Variants in CNTNAP2 observed in about 807,000 individuals in gnomAD.
CNTNAP2 encodes the protein contactin-associated protein-like 2.
CNTNAP2 carries 98 observed loss-of-function variants against 155.2 expected under a neutral mutation model. The observed-to-expected ratio is 0.63, with a 90% CI of 0.54 to 0.75. The LOEUF is 0.75. Ranked by LOEUF, CNTNAP2 falls within the 30% of genes least tolerant of loss-of-function variation. The pLI, the probability that CNTNAP2 is intolerant of heterozygous loss-of-function variation, is 0.00. For synonymous variants in CNTNAP2, 651 were observed against 631.2 expected (o/e 1.03, Z -0.47); for missense variants, 1,727 against 1,688.1 (o/e 1.02, Z -0.40).
intron 19 of CNTNAP2, among the ~76,000 whole-genome samples, chr7:148,219,837 C>T (rs1030705389): frequency 6.6e-6 from 1 of 151,772 alleles, no homozygotes; most frequent in Non-Finnish European, 1.5e-5. Context: ...TATAACAGAG[C>T]AAGACCCTGT....
intron 15 of CNTNAP2, among the ~76,000 whole-genome samples, chr7:148,099,405 G>T (rs2116577690): frequency 6.7e-6 from 1 of 148,454 alleles, no homozygotes; most frequent in South Asian, 2.1e-4. Flanking sequence ...TTCCTTGCAA[G>T]AAAAAAGCAT....
intron 1 of CNTNAP2, among the ~76,000 whole-genome samples, chr7:146,164,893 T>G (rs984882998): frequency 6.6e-6 from 1 of 152,172 alleles, no homozygotes; most frequent in Non-Finnish European, 1.5e-5. Context: ...GGACCAGTCT[T>G]CAGGAAGTTA....
intron 1 of CNTNAP2, among the ~76,000 whole-genome samples, chr7:146,159,804 C>A (rs886070957): frequency 2.0e-4 from 30 of 152,228 alleles, no homozygotes; most frequent in African/African-American, 6.3e-4. Flanking sequence ...GATTTTAACA[C>A]CCCACTGTCA....
rs1032946523 is a variant in CNTNAP2 at position 146,176,213 on chromosome 7, A to G, written c.97+59240A>G. 5.3e-5 allele frequency among the ~76,000 whole-genome samples: 8 copies of G among 152,368 alleles called. No individual in the cohort carries two copies. The East Asian group carries it at 1.3e-3, about 26-fold the overall frequency. On this transcript the variant is annotated intron_variant, in intron 1 of 23. Transcript: ENST00000361727. ...TATGGCATATTGAGGGACAAAAATT[A>G]TAAGTCTGATTTCAAACTTCTAAGT... is the stretch of plus-strand genomic sequence containing the variant.
chr7:147,951,756 G>A (rs1016994903), intron 14 of CNTNAP2, among the ~76,000 whole-genome samples: 10 of 151,602 alleles, frequency 6.6e-5, no homozygotes, highest in Admixed American at 1.3e-4. Flanking sequence ...CAACATACAA[G>A]GGGGGCCTGT....
chr7:146,887,810 G>A (rs966698198), intron 3 of CNTNAP2, among the ~76,000 whole-genome samples: 7 of 152,050 alleles, frequency 4.6e-5, no homozygotes, highest in Non-Finnish European at 4.4e-5. Context: ...ATTCACAGAT[G>A]TACACTTCAC....
intron 21 of CNTNAP2, among the ~76,000 whole-genome samples, chr7:148,306,766 G>GGTGT (rs150027065): frequency 1.3e-4 from 20 of 149,714 alleles, no homozygotes; most frequent in South Asian, 1.3e-3. Context: ...TTGGTTGGTT[G>GGTGT]GTGTGTGTGT....
chr7:147,040,183 G>GA (rs1423691143), intron 3 of CNTNAP2, among the ~76,000 whole-genome samples: 1 of 152,002 alleles, frequency 6.6e-6, no homozygotes, highest in Non-Finnish European at 1.5e-5. Flanking sequence ...ACAAGCCTAT[G>GA]AAAAAAAGCT....
intron 10 of CNTNAP2, among the ~76,000 whole-genome samples, chr7:147,478,243 C>T (rs1798356423): frequency 6.6e-6 from 1 of 151,890 alleles, no homozygotes. Flanking sequence ...ACCTCTGCCT[C>T]CCGGGTTCAA....
At chr7:146,637,426 T>C (rs1371845786) in intron 1 of CNTNAP2, among the ~76,000 whole-genome samples, 1 of 152,216 alleles carries the variant, frequency 6.6e-6, no homozygotes, top group African/African-American at 2.4e-5. Context: ...GCTTTTTTCA[T>C]TCTTCCTTAA....
At chr7:147,184,270 C>T (rs564268479) in intron 8 of CNTNAP2, among the ~76,000 whole-genome samples, 63 of 152,230 alleles carry the variant, frequency 4.1e-4, no homozygotes, top group African/African-American at 1.5e-3. Context: ...GGGACTGGAT[C>T]GCTCCTAAGG....
chr7:146,682,965 A>G (rs962628077), intron 1 of CNTNAP2, among the ~76,000 whole-genome samples: 5 of 152,192 alleles, frequency 3.3e-5, no homozygotes, highest in Admixed American at 1.3e-4. Flanking sequence ...CAGAACTGCT[A>G]TTCTGTCACC....
intron 1 of CNTNAP2, among the ~76,000 whole-genome samples, chr7:146,182,965 C>T (rs1457144996): frequency 6.6e-6 from 1 of 152,040 alleles, no homozygotes; most frequent in African/African-American, 2.4e-5. Context: ...TGTCATTGTT[C>T]GTATTTCTTG....
At chr7:148,218,704 T>C (rs369744168) in intron 19 of CNTNAP2, among the ~76,000 whole-genome samples, 1 of 152,106 alleles carries the variant, frequency 6.6e-6, no homozygotes, top group Non-Finnish European at 1.5e-5. Context: ...GGTGTATTTT[T>C]ACTTGTAATA....
chr7:146,419,283 G>A (rs555879152), intron 1 of CNTNAP2, among the ~76,000 whole-genome samples: 3 of 152,102 alleles, frequency 2.0e-5, no homozygotes, highest in Admixed American at 2.0e-4. Flanking sequence ...ACAGTATGGG[G>A]GAAACTGCCC....
chr7:147,014,915 A>G (rs1798692184), intron 3 of CNTNAP2, among the ~76,000 whole-genome samples: 1 of 152,192 alleles, frequency 6.6e-6, no homozygotes, highest in African/African-American at 2.4e-5. Context: ...GAGATGCCTG[A>G]CAAATTAATA....
intron 8 of CNTNAP2, among the ~76,000 whole-genome samples, chr7:147,147,649 C>T (rs1031016265): frequency 6.6e-6 from 1 of 151,972 alleles, no homozygotes; most frequent in African/African-American, 2.4e-5. Context: ...CTTAGAAGTT[C>T]CTCCTCCTCA....
At chr7:147,532,129 A>G (rs1799450455) in intron 11 of CNTNAP2, among the ~76,000 whole-genome samples, 1 of 152,092 alleles carries the variant, frequency 6.6e-6, no homozygotes, top group Admixed American at 6.6e-5. Context: ...TCTATCACAT[A>G]GTCAGGCTGC....
At chr7:146,190,675 G>C (rs948681001) in intron 1 of CNTNAP2, among the ~76,000 whole-genome samples, 2 of 152,274 alleles carry the variant, frequency 1.3e-5, no homozygotes, top group African/African-American at 4.8e-5. Flanking sequence ...AGTGATAATG[G>C]AAAGTAAAGC....
Sources: allele counts gnomAD v4.1 joint callset (sites outside exome capture counted in the v4.1 genomes callset), GRCh38; gene constraint gnomAD v4.1.1; transcripts MANE v1.5; gene names NCBI Gene and HGNC (gene_info 2026-07-23, HGNC 2026-07-21).